The following ARHGEF15 variants were observed in gnomAD, a reference collection of about 807,000 sequenced individuals.
ARHGEF15 encodes Rho guanine nucleotide exchange factor (GEF) 15.
A neutral mutation model predicts 79.7 loss-of-function variants in ARHGEF15; 58 were observed. The observed-to-expected ratio is 0.73, with a 90% confidence interval of 0.59 to 0.91. ARHGEF15 has a LOEUF of 0.91. ARHGEF15 is among the 40% of genes least tolerant of loss of function. The pLI is 0.00. For synonymous variants in ARHGEF15, 442 were observed against 456.0 expected (o/e 0.97, Z 0.39); for missense variants, 1,012 against 1,108.1 (o/e 0.91, Z 1.23).
chr17:8,312,868 G>C (rs543164190), intron 2 of ARHGEF15, 54 bp from the exon 3 acceptor site: 4 of 1,565,760 alleles, frequency 2.6e-6, no homozygotes, highest in East Asian at 2.2e-5. Context: ...TGGTCTGGGC[G>C]GGGGTGGAGC....
Position 8,319,383 on chromosome 17 carries a change from A to T in ARHGEF15, c.2258A>T (p.Tyr753Phe), listed in dbSNP as rs777499580. 14 of 1,613,860 alleles carry T rather than the reference A, an allele frequency of 8.7e-6. No homozygotes were observed. The East Asian group carries it at 2.9e-4, about 33-fold the overall frequency. The change falls in exon 14 of 16, where the codon TAT becomes TTT. Residue 753 changes from tyrosine (Y) to phenylalanine (F), a missense_variant. Physicochemically the swap from Tyr to Phe is conservative, Grantham distance 22 (BLOSUM62 3). Transcript: ENST00000361926. The stretch of plus-strand genomic sequence containing the variant: ...CTTCCCTGCTCCCCAGACACCATCT[A>T]TGAGGACTGTGGTGAGTATCCCCCT... The part of the protein sequence containing the change: ...GPLPCSPDTI[Y>F]EDCDCSQELC...
In ARHGEF15 at chr17:8,312,582, G is replaced by A; in HGVS notation, c.543G>A (p.Val181=). The A allele has an allele frequency of 3.7e-6, 6 of 1,612,140 alleles. No homozygotes were observed. The highest frequency in any genetic ancestry group is 5.1e-6 in the Non-Finnish European group (6 of 1,179,214). Residue 181 remains valine, a synonymous_variant, in exon 2 of 16, where the codon GTG becomes GTA. Coordinates refer to ENST00000361926, the MANE Select transcript of ARHGEF15 (RefSeq NM_173728.4). ...CAGGTCTCCAAGCGAGAGCAGATGTGAATGGGGAGAGAGAAGCTCCCCTCA... is the reference window on the plus strand; with the variant it reads ...CAGGTCTCCAAGCGAGAGCAGATGTAAATGGGGAGAGAGAAGCTCCCCTCA... ...PEPGLQARAD[V]NGEREAPLTG...
At chr17:8,314,527 A>T (rs151194572) in intron 4 of ARHGEF15, among the ~76,000 whole-genome samples, 44 of 152,042 alleles carry the variant, frequency 2.9e-4, no homozygotes, top group African/African-American at 9.9e-4. Context: ...GGAGACTCAG[A>T]AATCTCTGGT....
chr17:8,312,405 G>C lies in ARHGEF15; in HGVS notation c.366G>C (p.Lys122Asn), dbSNP rs571400409. 1 of 1,612,780 alleles carries C rather than the reference G, an allele frequency of 6.2e-7. No individual in the cohort carries two copies. Among genetic ancestry groups the C allele is most frequent in the South Asian group, 1.1e-5 (1 of 90,908 alleles). ...PAPRSPVPPPKPSGSPCTPLL... is the reference protein window; with the variant it reads ...PAPRSPVPPPNPSGSPCTPLL... ...CCCGGTCTCCAGTCCCCCCACCCAAGCCGTCTGGGTCACCCTGCACGCCTC... is the reference window on the plus strand; with the variant it reads ...CCCGGTCTCCAGTCCCCCCACCCAACCCGTCTGGGTCACCCTGCACGCCTC... The change falls in exon 2 of 16, where the codon AAG (lysine) becomes AAC (asparagine). Residue 122 changes from lysine to asparagine, a missense_variant. By Grantham distance (94) the Lys-to-Asn change is moderately conservative. This residue lies in a region of ARHGEF15 where 818 missense variants were observed against 882.5 expected (regional missense o/e 0.93). Transcript: ENST00000361926.
intron 4 of ARHGEF15, among the ~76,000 whole-genome samples, chr17:8,314,327 C>T (rs942449837): frequency 2.6e-5 from 4 of 152,164 alleles, no homozygotes; most frequent in Admixed American, 1.3e-4. Context: ...ATTTATTCAA[C>T]AAACATTTAC....
chr17:8,316,295 C>A, intron 9 of ARHGEF15, 147 bp downstream of exon 9: 1 of 1,293,790 alleles, frequency 7.7e-7, no homozygotes, highest in African/African-American at 1.5e-5. Context: ...CTGGGTCTCT[C>A]AGCCTAGGAC....
intron 1 of ARHGEF15, 74 bp from the exon 2 acceptor site, chr17:8,311,891 AGCCTTCCCTCCTGACTTCAAAATCCT>A: frequency 1.4e-6 from 1 of 694,292 alleles, no homozygotes; most frequent in Non-Finnish European, 2.3e-6. Flanking sequence ...CCCCCACACC[AGCCTTCCCTCCTGACTTCAAAATCCT>A]GCCTTCCAGT....
intron 4 of ARHGEF15, 153 bp from the exon 5 acceptor site, chr17:8,314,753 A>C: frequency 1.3e-6 from 1 of 766,308 alleles, no homozygotes; most frequent in Non-Finnish European, 1.9e-6. Context: ...AAAAAAAAAA[A>C]AAAAAAAAAA....
rs1312204487 is a variant in ARHGEF15 at position 8,312,470 on chromosome 17, C to A, written c.431C>A (p.Ala144Asp). 1 of 1,613,788 alleles carries A rather than the reference C, an allele frequency of 6.2e-7. No homozygotes were observed. The highest frequency in any genetic ancestry group is 1.1e-5 in the South Asian group (1 of 91,068). Residue 144 changes from alanine (A) to aspartate (D), a missense_variant, in exon 2 of 16, where the codon GCC becomes GAC. Around this residue, in one of 3 missense-constraint regions of ARHGEF15, gnomAD observed 818 missense variants for 882.5 expected, o/e 0.93. Transcript: ENST00000361926. ...GGAGTCCTGGCTCAGAATGGCTCTG[C>A]CTCAGCTCCTGGCACTGTGCGGAGG... ...MAGVLAQNGSASAPGTVRRLA... is the reference protein window; with the variant it reads ...MAGVLAQNGSDSAPGTVRRLA...
Position 8,316,290 on chromosome 17 carries a change from T to C in ARHGEF15, c.1704+142T>C. On this transcript the variant is annotated intron_variant, in intron 9 of 15. Transcript: ENST00000361926. ...CCCAAATCATAACTCCGAATCTGGGTCTCTCAGCCTAGGACTCACCAAGTC... is the reference window on the plus strand; with the variant it reads ...CCCAAATCATAACTCCGAATCTGGGCCTCTCAGCCTAGGACTCACCAAGTC... 4 of 1,337,874 alleles carry C rather than the reference T, an allele frequency of 3.0e-6. No individual in the cohort carries two copies. In the South Asian group the frequency reaches 4.4e-5, roughly 15 times the overall value. The allele number at this position is 1,337,874 out of a possible 1,614,324, so 82.9% of individuals were successfully genotyped here.
intron 1 of ARHGEF15, among the ~76,000 whole-genome samples, chr17:8,311,582 G>C (rs752423106): frequency 2.6e-5 from 4 of 151,652 alleles, no homozygotes; most frequent in Non-Finnish European, 4.4e-5. Context: ...GCGGACAGGC[G>C]CGCCCACGGC....
At chr17:8,311,907 T>A (rs1904644981) in intron 1 of ARHGEF15, 84 bp from the exon 2 acceptor site, 1 of 925,816 alleles carries the variant, frequency 1.1e-6, no homozygotes, top group Non-Finnish European at 1.6e-6. Flanking sequence ...CCCTCCTGAC[T>A]TCAAAATCCT....
chr17:8,315,946 G>C lies in ARHGEF15; in HGVS notation c.1574+39G>C, dbSNP rs1191383274. On this transcript the variant is annotated intron_variant, in intron 8 of 15. Transcript: ENST00000361926. The surrounding 1 kb of genome is among the most constrained non-coding windows in gnomAD (Gnocchi z 4.3). ...GGGTGGGGAGGAAGCTGGGGAGAGG[G>C]ATGGGACCGAGGCCACAGCAGGTTG... is the stretch of plus-strand genomic sequence containing the variant. 5 of 1,603,344 alleles carry C rather than the reference G, an allele frequency of 3.1e-6. No individual in the cohort carries two copies. The highest frequency in any genetic ancestry group is 4.2e-6 in the Non-Finnish European group (5 of 1,179,090).
chr17:8,313,224 G>T lies in ARHGEF15; in HGVS notation c.904G>T (p.Asp302Tyr), dbSNP rs1479074546. 1.2e-6 allele frequency: 2 copies of T among 1,605,946 alleles called. No individual in the cohort carries two copies. Among genetic ancestry groups the T allele is most frequent in the East Asian group, 2.2e-5 (1 of 44,882 alleles). ...CGGGGACCCCCCACAGCCAGATCTT[G>T]ATCTGCTTTCTGAAGATGGAATCCA... ...IFGDPPQPDL[D>Y]LLSEDGIQTG... is the part of the protein sequence containing the mutation. Residue 302 changes from aspartate (D) to tyrosine (Y), a missense_variant, in exon 3 of 16, where the codon GAT (aspartate) becomes TAT (tyrosine). Coordinates refer to ENST00000361926, the MANE Select transcript of ARHGEF15 (RefSeq NM_173728.4).
intron 4 of ARHGEF15, 150 bp downstream of exon 4, chr17:8,313,705 G>A (rs1217306693): frequency 4.1e-6 from 3 of 728,840 alleles, no homozygotes; most frequent in Non-Finnish European, 4.4e-6. Flanking sequence ...CCCTTGTTTC[G>A]AATCCCAGCT....
At position 8,315,931 on chromosome 17, in the gene ARHGEF15, G is replaced by A. The variant is rs375903732; in HGVS notation, c.1574+24G>A. ...ATGTGAGTGTCCCAGGGGTGGGGAG[G>A]AAGCTGGGGAGAGGGATGGGACCGA... On this transcript the variant is annotated intron_variant, in intron 8 of 15. Coordinates refer to ENST00000361926, the MANE Select transcript of ARHGEF15 (RefSeq NM_173728.4). This position sits in a 1 kb window ranked among gnomAD's most constrained non-coding sequence, Gnocchi z 4.3. The A allele has an allele frequency of 1.6e-4, 251 of 1,605,410 alleles. 1 individual carries two copies. Among genetic ancestry groups the A allele is most frequent in the Non-Finnish European group, 1.9e-4 (224 of 1,179,572 alleles).
At chr17:8,313,342 C>T in intron 3 of ARHGEF15, 88 bp downstream of exon 3, 1 of 1,520,110 alleles carries the variant, frequency 6.6e-7, no homozygotes, top group South Asian at 1.2e-5. Flanking sequence ...CTACAATCCC[C>T]AACAGGCACT....
In ARHGEF15 at chr17:8,315,381, G is replaced by A. The variant is rs747617705; in HGVS notation, c.1261-33G>A. The stretch of plus-strand genomic sequence containing the variant: ...GGGTCCTAGCTTCCCACGGTGAACT[G>A]GGCTTCCCACGACTGCCTGCTTTTC... On this transcript the variant is annotated intron_variant, in intron 6 of 15. Transcript: ENST00000361926. The surrounding 1 kb of genome is among the most constrained non-coding windows in gnomAD (Gnocchi z 4.3). The A allele has an allele frequency of 1.9e-6, 3 of 1,613,384 alleles. No individual in the cohort carries two copies. Among genetic ancestry groups the A allele is most frequent in the African/African-American group, 2.7e-5 (2 of 74,866 alleles).
At position 8,315,840 on chromosome 17, in the gene ARHGEF15, C is replaced by T. The variant is rs751268200; in HGVS notation, c.1507C>T (p.Pro503Ser). The T allele has an allele frequency of 6.2e-7, 1 of 1,612,762 alleles. No homozygotes were observed. Among genetic ancestry groups the T allele is most frequent in the South Asian group, 1.1e-5 (1 of 91,064 alleles). The change falls in exon 8 of 16, where the codon CCT becomes TCT. Residue 503 changes from proline to serine, a missense_variant. Physicochemically the swap from Pro to Ser is moderately conservative, Grantham distance 74. This residue lies in a region of ARHGEF15 where 818 missense variants were observed against 882.5 expected (regional missense o/e 0.93). Transcript: ENST00000361926. The surrounding 1 kb of genome is among the most constrained non-coding windows in gnomAD (Gnocchi z 4.3). ...TGTGGTGCATGCCCACGCTGTGGGG[C>T]CTTTCTCGGTGTATGTGGATTATGT... Reference protein sequence around the residue: ...CDVVHAHAVGPFSVYVDYVRN... With the variant: ...CDVVHAHAVGSFSVYVDYVRN...
Sources: allele counts gnomAD v4.1 joint callset (sites outside exome capture counted in the v4.1 genomes callset), GRCh38; gene constraint gnomAD v4.1.1; regional missense constraint gnomAD v4.1.1; non-coding constraint Gnocchi (gnomAD v3.1); transcripts MANE v1.5; gene names NCBI Gene and HGNC (gene_info 2026-07-23, HGNC 2026-07-21).